DNAJC5B: variants seen among roughly 807,000 people sequenced by gnomAD.
DNAJC5B encodes dnaJ homolog subfamily C member 5B.
A neutral mutation model predicts 24.7 loss-of-function variants in DNAJC5B; 23 were observed. That is an observed-to-expected ratio of 0.93 (90% CI 0.67 to 1.32). The LOEUF is 1.32. Ranked by LOEUF, DNAJC5B falls within the 40% of genes most tolerant of loss-of-function variation. The pLI is 0.00. For synonymous variants in DNAJC5B, 101 were observed against 90.1 expected, an observed-to-expected ratio of 1.12 and a Z score of -0.68; for missense variants, 238 against 240.8, an observed-to-expected ratio of 0.99 and a Z score of 0.08.
chr8:66,092,133 T>C (rs922725113), intron 5 of DNAJC5B, among the ~76,000 whole-genome samples: 5 of 152,342 alleles, frequency 3.3e-5, no homozygotes, highest in Non-Finnish European at 7.3e-5. Flanking sequence ...TCAATGCCAC[T>C]GAATTGTTCA....
At chr8:66,023,368 G>C (rs1793749487) in intron 1 of DNAJC5B, among the ~76,000 whole-genome samples, 1 of 152,092 alleles carries the variant, frequency 6.6e-6, no homozygotes, top group South Asian at 2.1e-4. Context: ...CCTAGCCTCT[G>C]CACCTCCATA....
At chr8:66,041,326 T>TA (rs1306997967) in intron 1 of DNAJC5B, among the ~76,000 whole-genome samples, 2 of 152,262 alleles carry the variant, frequency 1.3e-5, no homozygotes, top group East Asian at 3.8e-4. Context: ...AAAGACTATG[T>TA]AACCCTAATG....
intron 5 of DNAJC5B, among the ~76,000 whole-genome samples, chr8:66,087,721 A>G (rs1196019353): frequency 1.3e-5 from 2 of 152,180 alleles, no homozygotes; most frequent in African/African-American, 2.4e-5. Context: ...CAGTCATTAA[A>G]TCTTGAAGCT....
intron 3 of DNAJC5B, among the ~76,000 whole-genome samples, chr8:66,073,562 C>T (rs1056649221): frequency 5.3e-5 from 8 of 151,798 alleles, no homozygotes; most frequent in South Asian, 4.1e-4. Context: ...TGGAAATGTA[C>T]AGGACCCAGA....
intron 3 of DNAJC5B, among the ~76,000 whole-genome samples, chr8:66,070,245 A>C (rs188314210): frequency 6.6e-6 from 1 of 152,202 alleles, no homozygotes; most frequent in African/African-American, 2.4e-5. Flanking sequence ...AAGGTATTCA[A>C]ATAGGAAGAG....
intron 3 of DNAJC5B, among the ~76,000 whole-genome samples, chr8:66,054,557 G>A (rs1763107794): frequency 1.3e-5 from 2 of 152,146 alleles, no homozygotes; most frequent in South Asian, 4.1e-4. Flanking sequence ...TTTGGGTTAG[G>A]GTTGGAACCT....
chr8:66,034,691 A>G (rs553167432), intron 1 of DNAJC5B, among the ~76,000 whole-genome samples: 1 of 151,606 alleles, frequency 6.6e-6, no homozygotes, highest in East Asian at 1.9e-4. Context: ...GTTGGAATGG[A>G]GAGAGTAGAA....
intron 3 of DNAJC5B, among the ~76,000 whole-genome samples, chr8:66,062,777 T>C (rs1030564723): frequency 3.3e-5 from 5 of 152,248 alleles, no homozygotes; most frequent in African/African-American, 1.2e-4. Flanking sequence ...CAGTGAGCTA[T>C]AATCATGCCA....
intron 5 of DNAJC5B, among the ~76,000 whole-genome samples, chr8:66,087,382 A>T (rs890951414): frequency 2.0e-5 from 3 of 152,158 alleles, no homozygotes; most frequent in African/African-American, 7.2e-5. Context: ...ATAAAATTTG[A>T]TAGGGACGCA....
At chr8:66,090,959 C>G (rs7824630) in intron 5 of DNAJC5B, among the ~76,000 whole-genome samples, 54,365 of 152,076 alleles carry the variant, frequency 0.36, 13,673 homozygotes, top group African/African-American at 0.71. Flanking sequence ...CACCATCAAG[C>G]TCTTGGGCCA....
At chr8:66,053,864 G>T (rs999637093) in intron 3 of DNAJC5B, among the ~76,000 whole-genome samples, 2 of 151,566 alleles carry the variant, frequency 1.3e-5, no homozygotes, top group African/African-American at 4.8e-5. Context: ...CCCGACCTTA[G>T]GTGATCCTTC....
chr8:66,072,308 T>G (rs1369854268), intron 3 of DNAJC5B, among the ~76,000 whole-genome samples: 1 of 152,190 alleles, frequency 6.6e-6, no homozygotes, highest in Non-Finnish European at 1.5e-5. Flanking sequence ...AGGAGAAATC[T>G]GCAAACCTAC....
At chr8:66,047,418 C>A (rs1806745040) in intron 2 of DNAJC5B, among the ~76,000 whole-genome samples, 1 of 152,228 alleles carries the variant, frequency 6.6e-6, no homozygotes, top group Non-Finnish European at 1.5e-5. Flanking sequence ...TCAGGTCTTG[C>A]AGGCCCAGGA....
At chr8:66,053,531 A>C (rs931563753) in intron 3 of DNAJC5B, among the ~76,000 whole-genome samples, 1 of 152,220 alleles carries the variant, frequency 6.6e-6, no homozygotes, top group East Asian at 1.9e-4. Flanking sequence ...TACCTCCAGT[A>C]ATAATTATCA....
intron 2 of DNAJC5B, among the ~76,000 whole-genome samples, chr8:66,047,658 C>T (rs1806751012): frequency 6.6e-6 from 1 of 152,310 alleles, no homozygotes; most frequent in Non-Finnish European, 1.5e-5. Flanking sequence ...TCCCTGTTCT[C>T]CTTCCCTTTC....
At chr8:66,071,431 C>T (rs1221333837) in intron 3 of DNAJC5B, among the ~76,000 whole-genome samples, 1 of 152,142 alleles carries the variant, frequency 6.6e-6, no homozygotes, top group African/African-American at 2.4e-5. Context: ...ATTTATGCAG[C>T]CAACAGACAC....
intron 2 of DNAJC5B, 149 bp from the exon 3 acceptor site, chr8:66,051,382 C>T (rs1427319280): frequency 3.4e-6 from 2 of 596,698 alleles, no homozygotes; most frequent in African/African-American, 1.9e-5. Context: ...GCTTTTGGCT[C>T]TCCTAACCCT....
In DNAJC5B at chr8:66,083,011, T is replaced by C. The variant is rs866135357; in HGVS notation, c.505+2463T>C. 1.6e-3 allele frequency among the ~76,000 whole-genome samples: 227 copies of C among 138,266 alleles called. 1 individual carries two copies. Among genetic ancestry groups the C allele is most frequent in the Middle Eastern group, 0.011 (3 of 278 alleles). 90.7% of individuals were successfully genotyped at this position (138,266 alleles called of 152,430 possible). ...ATATTTTCTTTTCTTTTCTTTTTTT[T>C]TTTTTTTTTTTTTTTTGAGATGAAG... On this transcript the variant is annotated intron_variant, in intron 5 of 5. Transcript: ENST00000276570.
chr8:66,080,233 G>C, intron 4 of DNAJC5B, 144 bp from the exon 5 acceptor site: 1 of 1,219,518 alleles, frequency 8.2e-7, no homozygotes, highest in Non-Finnish European at 1.1e-6. Context: ...TGTGGAGTAA[G>C]GATGAGGGTG....
Sources: allele counts gnomAD v4.1 joint callset (sites outside exome capture counted in the v4.1 genomes callset), GRCh38; gene constraint gnomAD v4.1.1; transcripts MANE v1.5; gene names NCBI Gene and HGNC (gene_info 2026-07-23, HGNC 2026-07-21).